Variants in MAF observed in about 807,000 individuals in gnomAD.
The protein encoded by MAF is transcription factor Maf.
MAF carries 10 observed loss-of-function variants against 22.0 expected under a neutral mutation model. The ratio of observed to expected loss-of-function variants is 0.45; its 90% confidence interval spans 0.28 to 0.77. MAF has a LOEUF of 0.77. Ranked by LOEUF, MAF falls within the 30% of genes least tolerant of loss-of-function variation. The pLI, the probability that MAF is intolerant of heterozygous loss-of-function variation, is 0.12. For missense variants in MAF, 544 were observed against 548.4 expected (o/e 0.99, Z 0.08); for synonymous variants, 337 against 255.8 (o/e 1.32, Z -3.03).
At chr16:79,395,356 A>C in the MAF span, among the ~76,000 whole-genome samples, 1 of 152,202 alleles carries the variant, frequency 6.6e-6, no homozygotes, top group South Asian at 2.1e-4. Context: ...GATGGAAGAT[A>C]GGGGTACCAG....
At chr16:79,581,846 G>A (rs1021171051), downstream of MAF, among the ~76,000 whole-genome samples, 2 of 152,170 alleles carry the variant, frequency 1.3e-5, no homozygotes, top group Non-Finnish European at 2.9e-5. Context: ...GCTTACACCT[G>A]AGGTCACTGC....
the MAF span, among the ~76,000 whole-genome samples, chr16:79,447,891 C>CAAAAAAAAAAAAAAAA: frequency 5.9e-4 from 43 of 72,494 alleles, 1 homozygote; most frequent in African/African-American, 2.8e-3. Flanking sequence ...GATTCCATCT[C>CAAAAAAAAAAAAAAAA]AAAAAAAAAA....
the MAF span, among the ~76,000 whole-genome samples, chr16:79,268,264 C>T: frequency 6.6e-6 from 1 of 152,106 alleles, no homozygotes; most frequent in Non-Finnish European, 1.5e-5. Flanking sequence ...CCATACCATG[C>T]AAGAAAAATG....
At chr16:79,585,771 T>C, downstream of MAF, 5 of 576,614 alleles carry the variant, frequency 8.7e-6, no homozygotes, top group South Asian at 1.2e-4. Context: ...CCTAAAAAGT[T>C]AGCAGCATTC....
chr16:79,205,644 G>A, the MAF span: 3 of 152,152 alleles, frequency 2.0e-5, no homozygotes, highest in African/African-American at 7.2e-5. Flanking sequence ...GTTAAGAATA[G>A]CCTGTGAGTT....
the MAF span, among the ~76,000 whole-genome samples, chr16:79,305,789 G>T: frequency 6.6e-6 from 1 of 152,184 alleles, no homozygotes; most frequent in African/African-American, 2.4e-5. Context: ...AGAAGAGCTG[G>T]AAAAGGAGGC....
At chr16:79,536,043 G>A in the MAF span, among the ~76,000 whole-genome samples, 26 of 152,304 alleles carry the variant, frequency 1.7e-4, no homozygotes, top group South Asian at 3.9e-3. Context: ...TGCATGCTAT[G>A]CAGACAATAG....
At chr16:79,337,759 G>A in the MAF span, among the ~76,000 whole-genome samples, 2 of 152,152 alleles carry the variant, frequency 1.3e-5, no homozygotes, top group Non-Finnish European at 2.9e-5. Flanking sequence ...TCAGCATAGT[G>A]GCAGGATCAC....
chr16:79,498,736 G>C, the MAF span, among the ~76,000 whole-genome samples: 1 of 152,192 alleles, frequency 6.6e-6, no homozygotes, highest in Non-Finnish European at 1.5e-5. Flanking sequence ...TGGAATCCTT[G>C]TATATAACAT....
At chr16:79,364,722 G>A in the MAF span, among the ~76,000 whole-genome samples, 5 of 152,288 alleles carry the variant, frequency 3.3e-5, no homozygotes, top group East Asian at 5.8e-4. Context: ...AAGTGCTGAC[G>A]TAATTACCTA....
In MAF at chr16:79,599,202, C is replaced by T; in HGVS notation, c.701G>A (p.Gly234Glu). 2.2e-6 allele frequency: 2 copies of T among 915,482 alleles called. No homozygotes were observed. The highest frequency in any genetic ancestry group is 1.3e-6 in the Non-Finnish European group (1 of 771,414). The allele number at this position is 915,482 out of a possible 1,614,324, so 56.7% of individuals were successfully genotyped here. The change falls in exon 1 of 2, where the codon GGA becomes GAA. Residue 234 changes from glycine (G) to glutamate (E), a missense_variant. Transcript: ENST00000326043. The part of the protein sequence containing the change: ...AGGGGGGGGG[G>E]GGGGAAGAGG... ...CGCCCCCGCCGCGCCCCCGCCGCCT[C>T]CGCCGCCGCCGCCGCCGCCGCCGCC... is the stretch of plus-strand genomic sequence containing the variant.
the MAF span, among the ~76,000 whole-genome samples, chr16:79,342,384 G>A: frequency 6.6e-6 from 1 of 152,222 alleles, no homozygotes; most frequent in African/African-American, 2.4e-5. Context: ...AGGGGCTGCA[G>A]CATGAGGCAG....
the MAF span, among the ~76,000 whole-genome samples, chr16:79,224,300 A>C: frequency 6.6e-6 from 1 of 152,222 alleles, no homozygotes; most frequent in African/African-American, 2.4e-5. Flanking sequence ...GCCTTCAACA[A>C]AATTCAACAA....
At chr16:79,255,955 C>A in the MAF span, among the ~76,000 whole-genome samples, 1 of 117,822 alleles carries the variant, frequency 8.5e-6, no homozygotes, top group Non-Finnish European at 2.0e-5. Flanking sequence ...TTTATCTTTT[C>A]TTTTCTTTTC....
intron 1 of MAF, chr16:79,597,349 A>G (rs1396022469): frequency 1.9e-6 from 2 of 1,039,140 alleles, no homozygotes; most frequent in African/African-American, 1.7e-5. Context: ...GACAATGACC[A>G]AAAGCCAAAA....
chr16:79,599,165 C>T lies in MAF; in HGVS notation c.738G>A (p.Leu246=). The T allele has an allele frequency of 7.1e-7, 1 of 1,410,680 alleles. No homozygotes were observed. Among genetic ancestry groups the T allele is most frequent in the African/African-American group, 1.5e-5 (1 of 68,610 alleles). The allele number at this position is 1,410,680 out of a possible 1,614,324, so 87.4% of individuals were successfully genotyped here. ...GGGAAGAGGA[L]HPHHAAGGLH... ...GGCCGCCGGCGGCGTGGTGCGGGTG[C>T]AGGGCGCCCCCCGCCCCCGCCGCGC... The change falls in exon 1 of 2, where the codon CTG becomes CTA. Residue 246 remains leucine, a synonymous_variant. Coordinates refer to ENST00000326043, the MANE Select transcript of MAF (RefSeq NM_005360.5).
chr16:79,327,330 G>T, the MAF span, among the ~76,000 whole-genome samples: 7 of 152,090 alleles, frequency 4.6e-5, no homozygotes, highest in Non-Finnish European at 8.8e-5. Flanking sequence ...CTCTCACAAT[G>T]ACATTTATTA....
the MAF span, among the ~76,000 whole-genome samples, chr16:79,548,618 T>TAA: frequency 6.6e-6 from 1 of 152,240 alleles, no homozygotes; most frequent in Admixed American, 6.5e-5. Context: ...TGTGTTTTTC[T>TAA]GAAAACCCTT....
At chr16:79,339,103 A>T in the MAF span, among the ~76,000 whole-genome samples, 1 of 151,688 alleles carries the variant, frequency 6.6e-6, no homozygotes, top group Non-Finnish European at 1.5e-5. Context: ...ACGGAGTCTC[A>T]CTGTCGCCCA....
Sources: gnomAD v4.1 joint callset for allele counts (sites outside exome capture counted in the v4.1 genomes callset) on GRCh38, gnomAD v4.1.1 for gene constraint, MANE v1.5 for transcripts, NCBI Gene and HGNC (gene_info 2026-07-23, HGNC 2026-07-21) for gene names.